Variants in RTN4IP1 observed in about 807,000 individuals in gnomAD.
RTN4IP1 encodes the protein NAD(P)H oxidoreductase RTN4IP1, mitochondrial.
Under a neutral mutation model 46.6 loss-of-function variants are expected in RTN4IP1, and 32 were observed. That is an observed-to-expected ratio of 0.69 (90% CI 0.52 to 0.92). The LOEUF (loss-of-function observed/expected upper bound fraction) is 0.92, where lower values mean the gene tolerates loss of function less well. Among genes scored for constraint, RTN4IP1 ranks in the 40% least tolerant of loss-of-function variants. The pLI is 0.00. For missense variants in RTN4IP1, 424 were observed against 485.8 expected, an observed-to-expected ratio of 0.87 and a Z score of 1.20; for synonymous variants, 167 against 161.8, an observed-to-expected ratio of 1.03 and a Z score of -0.24.
intron 6 of RTN4IP1, among the ~76,000 whole-genome samples, chr6:106,591,391 A>C (rs193119885): frequency 1.3e-5 from 2 of 152,218 alleles, no homozygotes; most frequent in East Asian, 1.9e-4. Flanking sequence ...CTGGCTGAGA[A>C]AGGCTGGGCG....
chr6:106,603,183 A>C (rs966293957), intron 4 of RTN4IP1, among the ~76,000 whole-genome samples: 2 of 152,234 alleles, frequency 1.3e-5, no homozygotes, highest in African/African-American at 4.8e-5. Flanking sequence ...TGTTGGTTTA[A>C]GATAGCTCAG....
At chr6:106,574,915 C>T (rs763396005) in intron 8 of RTN4IP1, among the ~76,000 whole-genome samples, 7 of 152,164 alleles carry the variant, frequency 4.6e-5, no homozygotes, top group Admixed American at 3.3e-4. Flanking sequence ...GCAAATAACC[C>T]GAGAGGGCTG....
chr6:106,573,959 C>T lies in RTN4IP1; in HGVS notation c.1084-1856G>A, dbSNP rs547399497. 1.1e-4 allele frequency among the ~76,000 whole-genome samples: 17 copies of T among 152,292 alleles called. 1 individual carries two copies. Among genetic ancestry groups the T allele is most frequent in the Admixed American group, 9.8e-4 (15 of 15,294 alleles). On this transcript the variant is annotated intron_variant, in intron 8 of 8. Transcript: ENST00000369063. ...GGGTGCCATCCACGCCTATGGAGGACATCACTATTGCTGATCCCCCACAAG... is the reference window on the plus strand; with the variant it reads ...GGGTGCCATCCACGCCTATGGAGGATATCACTATTGCTGATCCCCCACAAG...
At chr6:106,623,887 A>G (rs1299067943) in intron 1 of RTN4IP1, among the ~76,000 whole-genome samples, 1 of 152,248 alleles carries the variant, frequency 6.6e-6, no homozygotes, top group Non-Finnish European at 1.5e-5. Context: ...ATAAGGCAAG[A>G]ATATAAAGTA....
At chr6:106,629,730 C>A, upstream of RTN4IP1, 4 of 1,596,862 alleles carry the variant, frequency 2.5e-6, no homozygotes, top group Non-Finnish European at 3.4e-6. Flanking sequence ...CCCGCTGAGG[C>A]CCCCGGGAGG....
chr6:106,603,003 G>A, intron 4 of RTN4IP1, 81 bp from the exon 5 acceptor site: 1 of 871,038 alleles, frequency 1.1e-6, no homozygotes, highest in Non-Finnish European at 1.8e-6. Flanking sequence ...ATAACTGGTT[G>A]ATGATAAGAT....
chr6:106,608,598 C>A (rs1220377799), intron 4 of RTN4IP1, among the ~76,000 whole-genome samples: 3 of 151,990 alleles, frequency 2.0e-5, no homozygotes, highest in African/African-American at 7.3e-5. Flanking sequence ...CACACTATGC[C>A]CCATAAATGT....
Position 106,583,387 on chromosome 6 carries a change from A to C in RTN4IP1, c.1024T>G (p.Phe342Val), listed in dbSNP as rs760197663. Residue 342 changes from phenylalanine (F) to valine (V), a missense_variant, in exon 8 of 9, where the codon TTT (phenylalanine) becomes GTT (valine). Phe to Val is a conservative substitution (Grantham distance 50). Transcript: ENST00000369063. ...AAACATGGGCCACTGGCCATGAAAA[A>C]TGCCCAGCGATAATGGACTCCTTTC... ...FWKGVHYRWAFFMASGPCLDD... is the reference protein window; with the variant it reads ...FWKGVHYRWAVFMASGPCLDD... 2.5e-6 allele frequency: 4 copies of C among 1,613,692 alleles called. No individual in the cohort carries two copies. The highest frequency in any genetic ancestry group is 3.4e-6 in the Non-Finnish European group (4 of 1,179,714).
chr6:106,630,158 C>T (rs1405647293), upstream of RTN4IP1, among the ~76,000 whole-genome samples: 3 of 152,166 alleles, frequency 2.0e-5, no homozygotes, highest in Admixed American at 6.5e-5. Context: ...GATTTACCTA[C>T]CACTAAGATA....
chr6:106,603,157 G>A (rs969980806), intron 4 of RTN4IP1, among the ~76,000 whole-genome samples: 6 of 152,060 alleles, frequency 3.9e-5, no homozygotes, highest in Admixed American at 1.3e-4. Flanking sequence ...ATCAAATACC[G>A]AAAATACCAA....
chr6:106,577,592 T>C (rs114634193), intron 8 of RTN4IP1, among the ~76,000 whole-genome samples: 2,929 of 152,052 alleles, frequency 0.019, 75 homozygotes, highest in African/African-American at 0.068. Context: ...GGCAGAATAA[T>C]GGCCCCCAAA....
chr6:106,627,304 T>G (rs116896077), intron 1 of RTN4IP1, among the ~76,000 whole-genome samples: 2 of 152,292 alleles, frequency 1.3e-5, no homozygotes, highest in East Asian at 3.9e-4. Context: ...TAAATGAAAA[T>G]GTACACGGCA....
intron 4 of RTN4IP1, among the ~76,000 whole-genome samples, chr6:106,617,573 T>C (rs753354399): frequency 2.0e-5 from 3 of 152,294 alleles, no homozygotes; most frequent in South Asian, 2.1e-4. Context: ...GGGCTCCAAC[T>C]TCCCAGTTCC....
intron 5 of RTN4IP1, among the ~76,000 whole-genome samples, chr6:106,596,508 A>G (rs1775796649): frequency 6.6e-6 from 1 of 152,184 alleles, no homozygotes; most frequent in Non-Finnish European, 1.5e-5. Context: ...CATTGAGCCC[A>G]GGAGGTTGAG....
In RTN4IP1 at chr6:106,627,743, CTTTTTTTTTT is replaced by C. The variant is rs759953237; in HGVS notation, c.274+995_274+1004del. 8.3e-3 allele frequency among the ~76,000 whole-genome samples: 441 copies of C among 52,984 alleles called. 5 individuals carry two copies. Among genetic ancestry groups the C allele is most frequent in the African/African-American group, 0.027 (421 of 15,824 alleles). The allele number at this position is 52,984 out of a possible 152,430, so 34.8% of individuals were successfully genotyped here. ...CAATCACAGTAAAGTCATTTCAATG[CTTTTTTTTTT>C]TTTTTTTTTTTTTTTTTTGAGATGG... On this transcript the variant is annotated intron_variant, in intron 1 of 8. Coordinates refer to ENST00000369063, the MANE Select transcript of RTN4IP1 (RefSeq NM_032730.5).
chr6:106,628,998 T>C lies in RTN4IP1; in HGVS notation c.24A>G (p.Val8=), dbSNP rs777352115. Residue 8 remains valine (V), a synonymous_variant, in exon 1 of 9, where the codon GTA becomes GTG. Coordinates refer to ENST00000369063, the MANE Select transcript of RTN4IP1 (RefSeq NM_032730.5). ...CCGCAGTGCATGCATTTCTTCTAAGTACACAAGTCTTCAGAAATTCCATTG... is the reference window on the plus strand; with the variant it reads ...CCGCAGTGCATGCATTTCTTCTAAGCACACAAGTCTTCAGAAATTCCATTG... MEFLKTC[V]LRRNACTAVC... The C allele has an allele frequency of 1.2e-6, 2 of 1,612,014 alleles. No individual in the cohort carries two copies. The highest frequency in any genetic ancestry group is 1.7e-5 in the Admixed American group (1 of 59,892).
At chr6:106,607,970 A>G (rs996036025) in intron 4 of RTN4IP1, among the ~76,000 whole-genome samples, 18 of 152,230 alleles carry the variant, frequency 1.2e-4, no homozygotes, top group African/African-American at 4.3e-4. Flanking sequence ...CAGCAATCCT[A>G]CTACTGAGTA....
At chr6:106,576,911 A>G (rs1243816415) in intron 8 of RTN4IP1, among the ~76,000 whole-genome samples, 2 of 152,220 alleles carry the variant, frequency 1.3e-5, no homozygotes, top group Non-Finnish European at 2.9e-5. Flanking sequence ...TACTGGGTCA[A>G]GTAAGTGATA....
chr6:106,627,416 GTTATC>G (rs541260781), intron 1 of RTN4IP1, among the ~76,000 whole-genome samples: 234 of 152,290 alleles, frequency 1.5e-3, no homozygotes, highest in Middle Eastern at 3.4e-3. Context: ...ATTTAAGTTT[GTTATC>G]TTAAGTCAGA....
Sources: gnomAD v4.1 joint callset for allele counts (sites outside exome capture counted in the v4.1 genomes callset) on GRCh38, gnomAD v4.1.1 for gene constraint, MANE v1.5 for transcripts, NCBI Gene and HGNC (gene_info 2026-07-23, HGNC 2026-07-21) for gene names.